ANK2: variants seen among roughly 807,000 people sequenced by gnomAD.
ANK2 encodes the protein ankyrin-2.
ANK2 carries 83 observed loss-of-function variants against 360.5 expected under a neutral mutation model. That is an observed-to-expected ratio of 0.23 (90% CI 0.19 to 0.28). The LOEUF (loss-of-function observed/expected upper bound fraction) is 0.28, where lower values mean the gene tolerates loss of function less well. ANK2 is among the 10% of genes least tolerant of loss of function. The probability of loss-of-function intolerance (pLI) is 1.00; values close to 1 mark genes in which losing one functional copy is unlikely to be tolerated. For missense variants in ANK2, 4,201 were observed against 4,795.7 expected (o/e 0.88, Z 3.66); for synonymous variants, 1,740 against 1,759.5 (o/e 0.99, Z 0.28).
intron 1 of ANK2, among the ~76,000 whole-genome samples, chr4:113,085,964 C>CTTA (rs1400573029): frequency 6.6e-6 from 1 of 152,122 alleles, no homozygotes; most frequent in Admixed American, 6.5e-5. Flanking sequence ...AAATAGAGGA[C>CTTA]TTAGCAAGAT....
At chr4:112,723,219 A>T in the ANK2 span, among the ~76,000 whole-genome samples, 1 of 152,206 alleles carries the variant, frequency 6.6e-6, no homozygotes, top group African/African-American at 2.4e-5. Flanking sequence ...GTTTAGTTTC[A>T]TTACTGCAGT....
the ANK2 span, among the ~76,000 whole-genome samples, chr4:112,754,555 T>G: frequency 1.3e-5 from 2 of 151,578 alleles, no homozygotes; most frequent in Non-Finnish European, 2.9e-5. Context: ...TTTAATGAGT[T>G]CCAGGGGCTA....
intron 1 of ANK2, chr4:112,827,264 T>C: frequency 9.5e-7 from 1 of 1,057,294 alleles, no homozygotes. Context: ...GAAATGTTAC[T>C]TAAGGCAGCC....
chr4:113,043,442 T>A (rs919798181), intron 2 of ANK2, among the ~76,000 whole-genome samples: 11 of 144,082 alleles, frequency 7.6e-5, no homozygotes, highest in South Asian at 2.2e-4. Flanking sequence ...CCAGGGGCTT[T>A]AAAAAAAAAA....
chr4:113,377,759 G>A (rs572235890), intron 45 of ANK2, among the ~76,000 whole-genome samples: 2 of 152,252 alleles, frequency 1.3e-5, no homozygotes, highest in Admixed American at 6.5e-5. Context: ...GGCCTTGTTT[G>A]CTTGTTTTTG....
chr4:113,314,818 A>T (rs1347809807), intron 24 of ANK2, among the ~76,000 whole-genome samples: 1 of 152,194 alleles, frequency 6.6e-6, no homozygotes, highest in African/African-American at 2.4e-5. Flanking sequence ...ATCATTTTTA[A>T]AAAAGCAGTT....
At chr4:112,764,142 A>T in the ANK2 span, among the ~76,000 whole-genome samples, 7 of 150,006 alleles carry the variant, frequency 4.7e-5, no homozygotes, top group Admixed American at 4.0e-4. Context: ...ACGGGGTTTC[A>T]CCATCTTGGC....
chr4:112,855,303 T>A lies in ANK2; in HGVS notation c.-40+37039T>A, dbSNP rs185468714. 7.2e-5 allele frequency among the ~76,000 whole-genome samples: 11 copies of A among 152,338 alleles called. No homozygotes were observed. In the East Asian group the frequency reaches 2.1e-3, roughly 29 times the overall value. ...GTCCACCAGTCTGCTCATACTGAAG[T>A]GTTGCCAACACTTCTGCTCTATTGT... On this transcript the variant is annotated intron_variant, in intron 1 of 30. Coordinates refer to the ANK2 transcript ENST00000503271.
rs760014047 is a variant in ANK2 at position 113,348,270 on chromosome 4, G to T, written c.4372-6G>T. ...TCCATCTTGCATGGCATCTTGGGGC[G>T]GAAAGGAATCAGAGTCAGATCAAGA... On this transcript the variant is annotated splice_region_variant and splice_polypyrimidine_tract_variant and intron_variant, in intron 35 of 45. Coordinates refer to ENST00000357077, the MANE Select transcript of ANK2 (RefSeq NM_001148.6). The T allele has an allele frequency of 1.2e-6, 2 of 1,613,128 alleles. No individual in the cohort carries two copies. The highest frequency in any genetic ancestry group is 3.3e-5 in the Admixed American group (2 of 59,940).
At chr4:112,883,483 A>G (rs528764168) in intron 1 of ANK2, among the ~76,000 whole-genome samples, 9 of 152,302 alleles carry the variant, frequency 5.9e-5, no homozygotes, top group African/African-American at 1.7e-4. Context: ...TTTGAAAACA[A>G]AAGTTATTCT....
At chr4:112,863,807 C>A (rs1162539277) in intron 1 of ANK2, among the ~76,000 whole-genome samples, 1 of 152,130 alleles carries the variant, frequency 6.6e-6, no homozygotes, top group Non-Finnish European at 1.5e-5. Flanking sequence ...CAGGCGTGAG[C>A]CACCGCGCCC....
At chr4:113,023,940 C>T (rs902526560) in intron 2 of ANK2, among the ~76,000 whole-genome samples, 2 of 152,090 alleles carry the variant, frequency 1.3e-5, no homozygotes, top group African/African-American at 2.4e-5. Context: ...ATTGGGGACC[C>T]CTCTACACTA....
intron 2 of ANK2, among the ~76,000 whole-genome samples, chr4:113,011,329 A>G (rs1173838801): frequency 2.0e-5 from 3 of 152,054 alleles, no homozygotes; most frequent in Admixed American, 6.6e-5. Flanking sequence ...GTGAAATTTT[A>G]TCTCTGCTCT....
intron 1 of ANK2, among the ~76,000 whole-genome samples, chr4:113,074,673 G>C (rs1189480013): frequency 6.6e-6 from 1 of 152,166 alleles, no homozygotes; most frequent in Non-Finnish European, 1.5e-5. Flanking sequence ...GTAAAATTTT[G>C]ATCGGCAGAG....
the ANK2 span, among the ~76,000 whole-genome samples, chr4:112,737,730 C>T: frequency 6.6e-6 from 1 of 152,192 alleles, no homozygotes; most frequent in Admixed American, 6.5e-5. Flanking sequence ...CATGTGGCCT[C>T]ACCATATAGA....
At position 113,357,050 on chromosome 4, in the gene ANK2, C is replaced by T. The variant is rs1476638647; in HGVS notation, c.8432C>T (p.Ser2811Leu). The T allele has an allele frequency of 6.2e-7, 1 of 1,614,018 alleles. No individual in the cohort carries two copies. Among genetic ancestry groups the T allele is most frequent in the African/African-American group, 1.3e-5 (1 of 75,006 alleles). ...VDEQPVIYKE[S>L]LALQGTHEKD... ...GAACAGCCAGTCATCTATAAAGAAT[C>T]ATTAGCTCTCCAAGGCACTCATGAA... The change falls in exon 38 of 46, where the codon TCA (serine) becomes TTA (leucine). Residue 2811 changes from serine to leucine, a missense_variant. By Grantham distance (145) the Ser-to-Leu change is moderately radical. This residue lies in a region of ANK2 where 2,642 missense variants were observed against 2,714.5 expected (regional missense o/e 0.97). Transcript: ENST00000357077.
the ANK2 span, among the ~76,000 whole-genome samples, chr4:112,762,303 TAGTA>T: frequency 2.6e-5 from 4 of 152,184 alleles, no homozygotes; most frequent in East Asian, 1.9e-4. Context: ...AAGGAAAAAT[TAGTA>T]AGTTCAAATG....
At chr4:113,292,389 T>G (rs1227455574) in intron 20 of ANK2, 27 bp from the exon 21 acceptor site, 1 of 1,592,914 alleles carries the variant, frequency 6.3e-7, no homozygotes, top group African/African-American at 1.3e-5. Context: ...AATCGGGTGC[T>G]GGGCCCGCCA....
chr4:113,121,869 C>G (rs1163603018), intron 1 of ANK2, among the ~76,000 whole-genome samples: 1 of 151,924 alleles, frequency 6.6e-6, no homozygotes, highest in African/African-American at 2.4e-5. Flanking sequence ...TCTCCCCCCC[C>G]ACCACATTCT....
Sources: allele counts gnomAD v4.1 joint callset (sites outside exome capture counted in the v4.1 genomes callset), GRCh38; gene constraint gnomAD v4.1.1; regional missense constraint gnomAD v4.1.1; transcripts MANE v1.5; gene names NCBI Gene and HGNC (gene_info 2026-07-23, HGNC 2026-07-21).